Variants in FGF14 observed in about 807,000 individuals in gnomAD.
FGF14 encodes fibroblast growth factor homologous factor 4.
In FGF14, 5 loss-of-function variants were observed where a neutral mutation model predicts 25.5. The observed-to-expected ratio is 0.20, with a 90% CI of 0.10 to 0.41. The LOEUF (loss-of-function observed/expected upper bound fraction) is 0.41, where lower values mean the gene tolerates loss of function less well. Among genes scored for constraint, FGF14 ranks in the 10% least tolerant of loss-of-function variants. The pLI is 1.00. For synonymous variants in FGF14, 138 were observed against 118.3 expected (o/e 1.17, Z -1.08); for missense variants, 222 against 320.1 (o/e 0.69, Z 2.34).
Position 102,139,551 on chromosome 13 carries a change from G to A in FGF14, c.208+261920C>T, listed in dbSNP as rs893411512. Among the ~76,000 whole-genome samples the A allele has an allele frequency of 3.3e-5, 5 of 152,000 alleles. No individual in the cohort carries two copies. In the East Asian group the frequency reaches 5.8e-4, roughly 18 times the overall value. ...TCCAAAGAATGTGTCCCCATTCATC[G>A]CCTCATATGTCCTATGAGCAATGCT... is the stretch of plus-strand genomic sequence containing the variant. On this transcript the variant is annotated intron_variant, in intron 1 of 4. Transcript: ENST00000376131.
chr13:102,021,549 C>T (rs73563699), intron 1 of FGF14, among the ~76,000 whole-genome samples: 4,813 of 151,726 alleles, frequency 0.032, 245 homozygotes, highest in African/African-American at 0.11. Context: ...CAACCCTGAG[C>T]CACAAGACAG....
At chr13:101,837,161 G>A (rs2042964206) in intron 3 of FGF14, among the ~76,000 whole-genome samples, 1 of 149,390 alleles carries the variant, frequency 6.7e-6, no homozygotes, top group Admixed American at 6.6e-5. Flanking sequence ...GACTGAGCTG[G>A]TACTATATGT....
intron 1 of FGF14, among the ~76,000 whole-genome samples, chr13:102,055,863 G>A (rs1008488703): frequency 2.0e-5 from 3 of 152,176 alleles, no homozygotes; most frequent in African/African-American, 7.2e-5. Context: ...ATGTGGCTGG[G>A]GAGGCCTCAC....
At chr13:101,788,565 G>A (rs1026904696) in intron 3 of FGF14, among the ~76,000 whole-genome samples, 2 of 151,844 alleles carry the variant, frequency 1.3e-5, no homozygotes, top group Non-Finnish European at 2.9e-5. Context: ...AGACAAATTC[G>A]ATTCCTTTAA....
At chr13:102,237,364 C>T (rs1416478302) in intron 1 of FGF14, among the ~76,000 whole-genome samples, 1 of 152,214 alleles carries the variant, frequency 6.6e-6, no homozygotes, top group East Asian at 1.9e-4. Flanking sequence ...GTATGTCTTT[C>T]TCCAGCCCCA....
chr13:101,887,473 C>T (rs1455238560), intron 1 of FGF14, among the ~76,000 whole-genome samples: 1 of 151,788 alleles, frequency 6.6e-6, no homozygotes, highest in Non-Finnish European at 1.5e-5. Flanking sequence ...AACTGGAGGA[C>T]CTTATGTTAA....
intron 1 of FGF14, among the ~76,000 whole-genome samples, chr13:102,097,605 C>G (rs913135321): frequency 2.5e-4 from 38 of 152,112 alleles, no homozygotes; most frequent in African/African-American, 8.7e-4. Flanking sequence ...AACACTCAGA[C>G]GCACAAAAGT....
chr13:102,275,262 TTCTCTC>T (rs56028235), intron 1 of FGF14, among the ~76,000 whole-genome samples: 1 of 68,914 alleles, frequency 1.5e-5, no homozygotes, highest in South Asian at 5.4e-4. Context: ...CTCTCTCTCT[TTCTCTC>T]TCTCTCTCTC....
At chr13:101,984,627 G>C (rs757392489) in intron 1 of FGF14, among the ~76,000 whole-genome samples, 1 of 152,122 alleles carries the variant, frequency 6.6e-6, no homozygotes, top group Non-Finnish European at 1.5e-5. Flanking sequence ...GCATTATTTT[G>C]TAAGTCCATC....
intron 3 of FGF14, among the ~76,000 whole-genome samples, chr13:101,806,814 G>A (rs1278293902): frequency 6.6e-6 from 1 of 152,028 alleles, no homozygotes; most frequent in Admixed American, 6.6e-5. Flanking sequence ...TGAAATAAAA[G>A]GGACCTAATG....
chr13:102,185,300 T>C (rs631919), intron 1 of FGF14, among the ~76,000 whole-genome samples: 4,502 of 152,252 alleles, frequency 0.03, 213 homozygotes, highest in African/African-American at 0.1. Context: ...TGAGGCCTTA[T>C]GTTCATGAGA....
chr13:102,156,179 T>A (rs2047325941), intron 1 of FGF14, among the ~76,000 whole-genome samples: 1 of 152,160 alleles, frequency 6.6e-6, no homozygotes, highest in African/African-American at 2.4e-5. Context: ...ATCATCCTGA[T>A]ACCAAAGCCG....
intron 1 of FGF14, among the ~76,000 whole-genome samples, chr13:102,332,409 A>T (rs918870130): frequency 6.6e-6 from 1 of 152,112 alleles, no homozygotes; most frequent in Non-Finnish European, 1.5e-5. Flanking sequence ...ATATATCTTA[A>T]ATCTAAAATC....
chr13:102,171,230 G>T (rs2048233025), intron 1 of FGF14, among the ~76,000 whole-genome samples: 1 of 152,104 alleles, frequency 6.6e-6, no homozygotes, highest in Admixed American at 6.6e-5. Flanking sequence ...CTGTTTCTAT[G>T]TCAGTCCTAA....
At chr13:102,240,019 C>T (rs2051516262) in intron 1 of FGF14, among the ~76,000 whole-genome samples, 1 of 152,208 alleles carries the variant, frequency 6.6e-6, no homozygotes, top group Admixed American at 6.5e-5. Flanking sequence ...AAAAGGCACA[C>T]TTATAAAATG....
intron 1 of FGF14, among the ~76,000 whole-genome samples, chr13:101,947,620 G>A (rs2035896071): frequency 6.6e-6 from 1 of 152,190 alleles, no homozygotes; most frequent in Non-Finnish European, 1.5e-5. Flanking sequence ...TCACCTATAA[G>A]TGGGAGCTAA....
intron 3 of FGF14, among the ~76,000 whole-genome samples, chr13:101,786,454 A>G (rs185219511): frequency 1.1e-4 from 17 of 152,272 alleles, no homozygotes; most frequent in African/African-American, 4.1e-4. Context: ...CACAGTCTAA[A>G]AAAGTCTAAG....
intron 1 of FGF14, among the ~76,000 whole-genome samples, chr13:102,249,367 A>G (rs908305789): frequency 6.6e-6 from 1 of 152,206 alleles, no homozygotes; most frequent in Non-Finnish European, 1.5e-5. Flanking sequence ...TGCTAAAAAA[A>G]CAAACAAACA....
At chr13:102,034,446 C>T (rs148567094) in intron 1 of FGF14, among the ~76,000 whole-genome samples, 1,704 of 152,224 alleles carry the variant, frequency 0.011, 19 homozygotes, top group Non-Finnish European at 0.017. Flanking sequence ...CAGCATCGGT[C>T]GCTGCCATCT....
Sources: gnomAD v4.1 joint callset for allele counts (sites outside exome capture counted in the v4.1 genomes callset) on GRCh38, gnomAD v4.1.1 for gene constraint, MANE v1.5 for transcripts, NCBI Gene and HGNC (gene_info 2026-07-23, HGNC 2026-07-21) for gene names.